The following DCAF13 variants were observed in gnomAD, a reference collection of about 807,000 sequenced individuals.
DCAF13 encodes the protein DDB1 and CUL4 associated factor 13, also known as DDB1- and CUL4-associated factor 13.
In DCAF13, 38 loss-of-function variants were observed where a neutral mutation model predicts 59.0. The ratio of observed to expected loss-of-function variants is 0.64; its 90% CI spans 0.50 to 0.84. DCAF13 has a LOEUF of 0.84. DCAF13 is among the 40% of genes least tolerant of loss of function. The pLI is 0.00. For synonymous variants in DCAF13, 173 were observed against 175.0 expected (o/e 0.99, Z 0.09); for missense variants, 469 against 558.4 (o/e 0.84, Z 1.61).
intron 1 of DCAF13, among the ~76,000 whole-genome samples, chr8:103,418,867 T>TA (rs1491287087): frequency 9.4e-3 from 84 of 8,922 alleles, no homozygotes; most frequent in South Asian, 0.027. Context: ...TATATATATA[T>TA]TTTTTTTTTT....
Position 103,415,390 on chromosome 8 carries a change from C to T in DCAF13, c.-57C>T. On this transcript the variant is annotated 5_prime_UTR_variant, in exon 1 of 11. Transcript: ENST00000612750. ...GGAAGTCGCCTGTGGGAGGAGGTGGCGGTGGGCGGAACTCCTAGCGGACAC... is the reference window on the plus strand; with the variant it reads ...GGAAGTCGCCTGTGGGAGGAGGTGGTGGTGGGCGGAACTCCTAGCGGACAC... 10 of 1,614,068 alleles carry T rather than the reference C, an allele frequency of 6.2e-6. No individual in the cohort carries two copies. The highest frequency in any genetic ancestry group is 8.5e-6 in the Non-Finnish European group (10 of 1,180,012).
chr8:103,436,259 G>T (rs951184416), intron 8 of DCAF13, among the ~76,000 whole-genome samples: 1 of 152,130 alleles, frequency 6.6e-6, no homozygotes, highest in Admixed American at 6.5e-5. Flanking sequence ...AGAAAAATTA[G>T]TAATAATACT....
chr8:103,418,852 A>ATT (rs1563724025), intron 1 of DCAF13, among the ~76,000 whole-genome samples: 5,826 of 31,234 alleles, frequency 0.19, 406 homozygotes, highest in South Asian at 0.27. Flanking sequence ...ATATATATAT[A>ATT]TATATATATA....
chr8:103,417,749 A>G (rs1236127975), intron 1 of DCAF13, among the ~76,000 whole-genome samples: 2 of 152,138 alleles, frequency 1.3e-5, no homozygotes, highest in African/African-American at 2.4e-5. Flanking sequence ...GGGCACACAG[A>G]AAGTTTGAAG....
chr8:103,434,402 A>T (rs115109722), intron 7 of DCAF13, among the ~76,000 whole-genome samples: 111 of 152,170 alleles, frequency 7.3e-4, no homozygotes, highest in African/African-American at 2.2e-3. Flanking sequence ...CATTTTTCCC[A>T]TGTAGAAATA....
Position 103,415,443 on chromosome 8 carries a change from C to A in DCAF13, c.-4C>A, listed in dbSNP as rs756087392. 2 of 1,613,936 alleles carry A rather than the reference C, an allele frequency of 1.2e-6. No individual in the cohort carries two copies. Among genetic ancestry groups the A allele is most frequent in the Non-Finnish European group, 1.7e-6 (2 of 1,180,044 alleles). On this transcript the variant is annotated 5_prime_UTR_variant, in exon 1 of 11. Coordinates refer to ENST00000612750, the MANE Select transcript of DCAF13 (RefSeq NM_015420.7). ...CGTGGAGTCCGGCCGGAAGAGCAAC[C>A]GAGATGAAGGTGAAGATGCTGAGCC...
rs748119605 is a variant in DCAF13 at position 103,427,270 on chromosome 8, GT to G, written c.624+19del. 6.3e-7 allele frequency: 1 copy of G among 1,595,090 alleles called. No individual in the cohort carries two copies. The highest frequency in any genetic ancestry group is 1.7e-5 in the Admixed American group (1 of 58,746). ...CAATTGAGGTAATGTTTTTTTTTAA[GT>G]ATGTTTTACTTATTATGGCTTAATA... On this transcript the variant is annotated intron_variant, in intron 5 of 10. Transcript: ENST00000612750.
At chr8:103,420,840 A>C (rs1816712834) in intron 2 of DCAF13, 135 bp from the exon 3 acceptor site, 1 of 635,600 alleles carries the variant, frequency 1.6e-6, no homozygotes, top group Non-Finnish European at 2.8e-6. Context: ...ATCCATATGC[A>C]TTGCATTGTT....
At chr8:103,421,149 T>C (rs1216179282) in intron 3 of DCAF13, 67 bp downstream of exon 3, 20 of 1,101,740 alleles carry the variant, frequency 1.8e-5, no homozygotes, top group Non-Finnish European at 2.5e-5. Flanking sequence ...ATTGAATACA[T>C]TTTTTTTCAA....
intron 4 of DCAF13, among the ~76,000 whole-genome samples, chr8:103,426,620 T>C (rs2130483501): frequency 6.6e-6 from 1 of 152,300 alleles, no homozygotes; most frequent in Middle Eastern, 3.4e-3. Context: ...ATGGGTGGTT[T>C]AGTTTTAGCA....
intron 8 of DCAF13, among the ~76,000 whole-genome samples, chr8:103,437,413 C>CA: frequency 6.6e-6 from 1 of 152,162 alleles, no homozygotes; most frequent in East Asian, 1.9e-4. Flanking sequence ...CCCAAGGGGC[C>CA]AGCAGCTGAG....
At chr8:103,435,280 T>C (rs1816917442) in intron 7 of DCAF13, among the ~76,000 whole-genome samples, 1 of 152,054 alleles carries the variant, frequency 6.6e-6, no homozygotes, top group African/African-American at 2.4e-5. Context: ...TTAAATAGTA[T>C]GGTGAAAAAG....
At chr8:103,441,744 G>T in intron 10 of DCAF13, 126 bp downstream of exon 10, 1 of 916,382 alleles carries the variant, frequency 1.1e-6, no homozygotes, top group Non-Finnish European at 1.7e-6. Context: ...TGTTAGTGAT[G>T]TGTTTGAAGA....
chr8:103,438,723 A>C (rs1238849271), intron 8 of DCAF13, among the ~76,000 whole-genome samples: 2 of 152,120 alleles, frequency 1.3e-5, no homozygotes, highest in Non-Finnish European at 2.9e-5. Context: ...TATAGATATG[A>C]ATATTTGATT....
chr8:103,417,283 T>C (rs1168991122), intron 1 of DCAF13, among the ~76,000 whole-genome samples: 1 of 152,068 alleles, frequency 6.6e-6, no homozygotes, highest in Non-Finnish European at 1.5e-5. Flanking sequence ...AAACCAAACA[T>C]TGAATTAAGC....
intron 1 of DCAF13, 84 bp downstream of exon 1, chr8:103,415,600 A>T: frequency 7.5e-7 from 1 of 1,335,418 alleles, no homozygotes; most frequent in Non-Finnish European, 1.0e-6. Context: ...AAGCCGGGGG[A>T]GGCTGGCACT....
intron 8 of DCAF13, chr8:103,439,434 G>A (rs1427757107): frequency 1.8e-5 from 2 of 112,332 alleles, no homozygotes; most frequent in Admixed American, 1.3e-4. Flanking sequence ...TGTCACCCAC[G>A]CTGGAGTACA....
intron 7 of DCAF13, among the ~76,000 whole-genome samples, chr8:103,433,331 T>G (rs1816890660): frequency 6.6e-6 from 1 of 152,154 alleles, no homozygotes; most frequent in Non-Finnish European, 1.5e-5. Flanking sequence ...TATAGTTATC[T>G]TTTCAGTATC....
At chr8:103,442,105 A>G (rs1157178593) in intron 10 of DCAF13, 1 of 152,412 alleles carries the variant, frequency 6.6e-6, no homozygotes, top group African/African-American at 2.4e-5. Context: ...AAAGGGAAGC[A>G]GTGACTATCT....
Sources: allele counts gnomAD v4.1 joint callset (sites outside exome capture counted in the v4.1 genomes callset), GRCh38; gene constraint gnomAD v4.1.1; transcripts MANE v1.5; gene names NCBI Gene and HGNC (gene_info 2026-07-23, HGNC 2026-07-21).